The following PDZRN3 variants were observed in gnomAD, a reference collection of about 807,000 sequenced individuals.
PDZRN3 encodes the protein PDZ domain containing ring finger 3.
In PDZRN3, 38 loss-of-function variants were observed where a neutral mutation model predicts 85.7. The ratio of observed to expected loss-of-function variants is 0.44; its 90% CI spans 0.34 to 0.58. PDZRN3 has a LOEUF of 0.58. Among genes scored for constraint, PDZRN3 ranks in the 20% least tolerant of loss-of-function variants. The pLI is 0.01. For missense variants in PDZRN3, 1,629 were observed against 1,506.4 expected, an observed-to-expected ratio of 1.08 and a Z score of -1.35; for synonymous variants, 759 against 638.0, an observed-to-expected ratio of 1.19 and a Z score of -2.86.
At chr3:73,406,777 G>A (rs6789118) in intron 3 of PDZRN3, among the ~76,000 whole-genome samples, 94,494 of 152,148 alleles carry the variant, frequency 0.62, 29,713 homozygotes, top group East Asian at 0.85. Context: ...TTTCCTTTAT[G>A]ACTTCCTGTT....
At chr3:73,616,705 C>T (rs964491960) in intron 1 of PDZRN3, among the ~76,000 whole-genome samples, 2 of 152,126 alleles carry the variant, frequency 1.3e-5, no homozygotes, top group African/African-American at 2.4e-5. Context: ...TGTTAAAATC[C>T]TACAGGTGTC....
intron 2 of PDZRN3, among the ~76,000 whole-genome samples, chr3:73,603,462 T>C (rs773858905): frequency 3.3e-5 from 5 of 152,228 alleles, no homozygotes; most frequent in African/African-American, 4.8e-5. Context: ...AGTGTACGGA[T>C]TAAATTTCTA....
chr3:73,524,937 T>C (rs375248341), intron 3 of PDZRN3, among the ~76,000 whole-genome samples: 4 of 151,108 alleles, frequency 2.6e-5, no homozygotes, highest in East Asian at 3.9e-4. Flanking sequence ...CCGATTCATA[T>C]ATATGAAAAT....
chr3:73,593,389 G>A (rs1702388450), intron 3 of PDZRN3, among the ~76,000 whole-genome samples: 1 of 152,120 alleles, frequency 6.6e-6, no homozygotes, highest in Non-Finnish European at 1.5e-5. Context: ...TTGAGGGACA[G>A]ATTTAAAACT....
intron 3 of PDZRN3, among the ~76,000 whole-genome samples, chr3:73,443,784 G>A (rs1317762797): frequency 1.3e-5 from 2 of 151,980 alleles, no homozygotes; most frequent in East Asian, 3.9e-4. Flanking sequence ...ATGGGCCACT[G>A]AGCCTGGTCC....
intron 3 of PDZRN3, chr3:73,556,580 G>A (rs1255845391): frequency 1.3e-5 from 2 of 152,124 alleles, no homozygotes; most frequent in Non-Finnish European, 2.9e-5. Flanking sequence ...TAGAATGTTG[G>A]ATAAAATATG....
chr3:73,448,831 G>C (rs1396547808), intron 3 of PDZRN3, among the ~76,000 whole-genome samples: 1 of 152,186 alleles, frequency 6.6e-6, no homozygotes, highest in African/African-American at 2.4e-5. Context: ...GAAACACCTG[G>C]TGTGATACAT....
chr3:73,450,039 G>A (rs1559685792), intron 3 of PDZRN3, among the ~76,000 whole-genome samples: 1 of 152,196 alleles, frequency 6.6e-6, no homozygotes, highest in Non-Finnish European at 1.5e-5. Flanking sequence ...GATGGACTGT[G>A]CCTTTTCCTT....
intron 3 of PDZRN3, among the ~76,000 whole-genome samples, chr3:73,553,080 G>A (rs1304728287): frequency 6.6e-6 from 1 of 152,210 alleles, no homozygotes; most frequent in East Asian, 1.9e-4. Context: ...GAGACTACAA[G>A]GAAGGGAAAG....
intron 3 of PDZRN3, among the ~76,000 whole-genome samples, chr3:73,535,883 C>T (rs919865596): frequency 4.6e-5 from 7 of 152,174 alleles, no homozygotes; most frequent in Non-Finnish European, 7.3e-5. Context: ...CCTGAAGTAA[C>T]TTGGCTTAGG....
intron 3 of PDZRN3, among the ~76,000 whole-genome samples, chr3:73,474,837 C>T (rs1311167936): frequency 6.6e-6 from 1 of 152,096 alleles, no homozygotes; most frequent in Non-Finnish European, 1.5e-5. Context: ...CATGACCCTG[C>T]AGCCTCATAA....
At chr3:73,412,532 A>G (rs6780143) in intron 3 of PDZRN3, among the ~76,000 whole-genome samples, 99,799 of 152,084 alleles carry the variant, frequency 0.66, 33,321 homozygotes, top group East Asian at 0.86. Flanking sequence ...CTGCATGAAG[A>G]TGCAGAGGAG....
intron 3 of PDZRN3, among the ~76,000 whole-genome samples, chr3:73,428,709 C>T (rs1371429783): frequency 1.3e-5 from 2 of 152,182 alleles, no homozygotes; most frequent in Non-Finnish European, 2.9e-5. Flanking sequence ...TCTCTGGTCC[C>T]ACCCTAGGTC....
intron 1 of PDZRN3, among the ~76,000 whole-genome samples, chr3:73,619,513 C>T (rs1239761421): frequency 6.6e-6 from 1 of 152,130 alleles, no homozygotes; most frequent in Non-Finnish European, 1.5e-5. Flanking sequence ...ATAAGCAAAT[C>T]CTAAGTGCAG....
At chr3:73,479,850 T>C (rs1476343202) in intron 3 of PDZRN3, among the ~76,000 whole-genome samples, 1 of 152,114 alleles carries the variant, frequency 6.6e-6, no homozygotes, top group East Asian at 1.9e-4. Flanking sequence ...GTGGTATTAT[T>C]TTGTAAAACT....
chr3:73,572,674 C>G (rs1008340624), intron 3 of PDZRN3, among the ~76,000 whole-genome samples: 5 of 152,262 alleles, frequency 3.3e-5, no homozygotes, highest in African/African-American at 9.6e-5. Flanking sequence ...AAAAAAGGAG[C>G]AGCACTGTCC....
intron 3 of PDZRN3, among the ~76,000 whole-genome samples, chr3:73,598,121 T>C (rs555521252): frequency 2.0e-5 from 3 of 152,072 alleles, no homozygotes; most frequent in African/African-American, 7.2e-5. Flanking sequence ...CAGAGAAAGG[T>C]GGTGTGTTTG....
At chr3:73,479,180 C>T (rs1047364370) in intron 3 of PDZRN3, among the ~76,000 whole-genome samples, 1 of 152,146 alleles carries the variant, frequency 6.6e-6, no homozygotes, top group African/African-American at 2.4e-5. Flanking sequence ...CTTTAGGATA[C>T]TGTCATTGTA....
chr3:73,420,879 C>T (rs1245426853), intron 3 of PDZRN3, among the ~76,000 whole-genome samples: 1 of 152,182 alleles, frequency 6.6e-6, no homozygotes, highest in Non-Finnish European at 1.5e-5. Flanking sequence ...AGAGTATTTG[C>T]ATCCTCCCAT....
Sources: gnomAD v4.1 joint callset for allele counts (sites outside exome capture counted in the v4.1 genomes callset) on GRCh38, gnomAD v4.1.1 for gene constraint, MANE v1.5 for transcripts, NCBI Gene and HGNC (gene_info 2026-07-23, HGNC 2026-07-21) for gene names.